PEX1: variants seen among roughly 807,000 people sequenced by gnomAD.
The protein encoded by PEX1 is peroxisomal ATPase PEX1.
A neutral mutation model predicts 152.5 loss-of-function variants in PEX1; 97 were observed. That is an observed-to-expected ratio of 0.64 (90% CI 0.54 to 0.75). PEX1 has a LOEUF of 0.75. PEX1 is among the 30% of genes least tolerant of loss of function. The pLI is 0.00. For missense variants in PEX1, 1,357 were observed against 1,516.3 expected (o/e 0.89, Z 1.74); for synonymous variants, 485 against 531.6 (o/e 0.91, Z 1.21).
chr7:92,493,014 GCTTT>G lies in PEX1; in HGVS notation c.3142_3145del (p.Lys1048LeufsTer31). ...CTCCAATTGGGCATTGTAAAGTAAA[GCTTT>G]CAGATCAGCTCCAGTAAAGGAGTCA... On this transcript the variant is annotated frameshift_variant, in exon 20 of 24. Coordinates refer to ENST00000248633, the MANE Select transcript of PEX1 (RefSeq NM_000466.3). LOFTEE classifies it high-confidence loss of function. The G allele has an allele frequency of 6.2e-7, 1 of 1,613,698 alleles. No individual in the cohort carries two copies.
rs1321349607 is a variant in PEX1, at chr7:92,494,306, G to A, written c.3017C>T (p.Pro1006Leu). 1.2e-6 allele frequency: 2 copies of A among 1,612,632 alleles called. No individual in the cohort carries two copies. Among genetic ancestry groups the A allele is most frequent in the Non-Finnish European group, 1.7e-6 (2 of 1,178,918 alleles). Reference protein sequence around the residue: ...PGRLDKCVYCPPPDQVSRLEI... With the variant: ...PGRLDKCVYCLPPDQVSRLEI... ...TGAAATTGTCACCTGATCAGGAGGA[G>A]GACAGTATACACATTTATCTAGTCG... The change falls in exon 19 of 24, where the codon CCT (proline) becomes CTT (leucine). Residue 1006 changes from proline to leucine, a missense_variant. Physicochemically the swap from Pro to Leu is moderately conservative, Grantham distance 98 (BLOSUM62 -3). Coordinates refer to ENST00000248633, the MANE Select transcript of PEX1 (RefSeq NM_000466.3).
At chr7:92,494,453 T>TA in intron 18 of PEX1, 34 bp downstream of exon 18, 1 of 1,612,196 alleles carries the variant, frequency 6.2e-7, no homozygotes, top group Non-Finnish European at 8.5e-7. Context: ...GACATTTTGT[T>TA]ATAACATTCT....
In PEX1 at chr7:92,513,869, C is replaced by T. The variant is rs543863652; in HGVS notation, c.1338G>A (p.Lys446=). The change falls in exon 6 of 24, where the codon AAG becomes AAA. Residue 446 remains lysine (K), a synonymous_variant. Coordinates refer to ENST00000248633, the MANE Select transcript of PEX1 (RefSeq NM_000466.3). ...EVTPKIPRSL[K]LQPRENLPKD... ...TCACTAAATTCTCTCTAGGTTGTAA[C>T]TTTAGAGATCTTGGAATTTTAGGGG... 2 of 1,600,590 alleles carry T rather than the reference C, an allele frequency of 1.2e-6. No individual in the cohort carries two copies. The highest frequency in any genetic ancestry group is 2.2e-5 in the South Asian group (2 of 90,680).
chr7:92,522,506 GCAGT>G (rs1324412476), intron 1 of PEX1, among the ~76,000 whole-genome samples: 5 of 152,286 alleles, frequency 3.3e-5, no homozygotes, highest in East Asian at 3.9e-4. Flanking sequence ...CAAAATGGCA[GCAGT>G]CAGTCAATAA....
intron 23 of PEX1, among the ~76,000 whole-genome samples, chr7:92,488,038 C>G (rs955847019): frequency 2.6e-5 from 4 of 152,158 alleles, no homozygotes; most frequent in African/African-American, 9.7e-5. Flanking sequence ...CAAGAATGTT[C>G]ATTACCACAT....
Position 92,508,373 on chromosome 7 carries a change from C to G in PEX1, c.1670+956G>C, listed in dbSNP as rs1321299814. On this transcript the variant is annotated intron_variant, in intron 9 of 23. Transcript: ENST00000248633. ...CCAACATGGTGAAACCCCATCTCTA[C>G]TAAAAATACAAAAAATTAGGCAGGT... Among the ~76,000 whole-genome samples, 5 of 151,964 alleles carry G rather than the reference C, an allele frequency of 3.3e-5. No individual in the cohort carries two copies. In the East Asian group the frequency reaches 7.7e-4, roughly 23 times the overall value.
At chr7:92,492,836 T>G (rs976589888) in intron 20 of PEX1, 117 bp downstream of exon 20, 2 of 809,296 alleles carry the variant, frequency 2.5e-6, no homozygotes, top group Non-Finnish European at 4.4e-6. Flanking sequence ...AAATTTATGT[T>G]TCTATACAGT....
At chr7:92,506,205 C>G in intron 11 of PEX1, 43 bp downstream of exon 11, 1 of 1,029,264 alleles carries the variant, frequency 9.7e-7, no homozygotes, top group Admixed American at 1.7e-5. Context: ...TCCTGTCTTT[C>G]TAATGAAAAA....
chr7:92,504,942 A>T, intron 11 of PEX1, 40 bp from the exon 12 acceptor site: 1 of 1,476,346 alleles, frequency 6.8e-7, no homozygotes, highest in South Asian at 1.1e-5. Context: ...GTATCATTTC[A>T]GTGCTGGGAA....
chr7:92,523,152 G>A (rs923871756), intron 1 of PEX1, among the ~76,000 whole-genome samples: 14 of 152,124 alleles, frequency 9.2e-5, no homozygotes, highest in African/African-American at 3.4e-4. Context: ...AACTTGGAAG[G>A]AAACAAATGA....
chr7:92,499,460 G>C (rs769412997), intron 16 of PEX1, among the ~76,000 whole-genome samples: 1 of 152,146 alleles, frequency 6.6e-6, no homozygotes, highest in Non-Finnish European at 1.5e-5. Flanking sequence ...GTCACATATT[G>C]CATGATTTGT....
rs780241080 is a variant in PEX1 at position 92,528,481 on chromosome 7, G to A, written c.-46C>T. On this transcript the variant is annotated 5_prime_UTR_variant, in exon 1 of 24. Transcript: ENST00000248633. ...GGTTCGCCCACCCTAGCGCCGCAAA[G>A]GACCCGGGACCCGGCAGGCCGAGGA... 8 of 1,518,176 alleles carry A rather than the reference G, an allele frequency of 5.3e-6. No individual in the cohort carries two copies. Among genetic ancestry groups the A allele is most frequent in the African/African-American group, 4.1e-5 (3 of 72,396 alleles). The allele number at this position is 1,518,176 out of a possible 1,614,324, so 94.0% of individuals were successfully genotyped here. A position where few individuals can be genotyped will look rare whatever the true frequency, so the allele number is the denominator to read the frequency against.
rs939163366 is a variant in PEX1, at chr7:92,491,126, T to C, written c.3438+146A>G. The C allele has an allele frequency of 6.2e-6, 4 of 640,366 alleles. No homozygotes were observed. The Admixed American group carries it at 7.4e-5, about 12-fold the overall frequency. The allele number at this position is 640,366 out of a possible 1,614,324, so 39.7% of individuals were successfully genotyped here. The stretch of plus-strand genomic sequence containing the variant: ...ACAAGGAATGCAAATTACCAATTAG[T>C]GTAAGCAAGAAACAAGACTATTTTA... On this transcript the variant is annotated intron_variant, in intron 21 of 23. Coordinates refer to ENST00000248633, the MANE Select transcript of PEX1 (RefSeq NM_000466.3).
Position 92,493,093 on chromosome 7 carries a change from A to T in PEX1, c.3067T>A (p.Ser1023Thr). The T allele has an allele frequency of 6.2e-7, 1 of 1,612,210 alleles. No individual in the cohort carries two copies. The highest frequency in any genetic ancestry group is 8.5e-7 in the Non-Finnish European group (1 of 1,178,372). Residue 1023 changes from serine (S) to threonine (T), a missense_variant, in exon 20 of 24, where the codon TCT becomes ACT. Transcript: ENST00000248633. ...TCAACATCATCTGCCAGAGGTAGAG[A>T]GTCACTGAGGACATTTAAAATTTCA... is the stretch of plus-strand genomic sequence containing the variant. Reference protein sequence around the residue: ...RLEILNVLSDSLPLADDVDLQ... With the variant: ...RLEILNVLSDTLPLADDVDLQ...
At chr7:92,503,946 C>G (rs1460696829) in intron 12 of PEX1, among the ~76,000 whole-genome samples, 2 of 152,142 alleles carry the variant, frequency 1.3e-5, no homozygotes, top group Non-Finnish European at 2.9e-5. Context: ...TCCTTGCACT[C>G]TAAGCTCCAG....
rs1425474793 is a variant in PEX1 at position 92,494,368 on chromosome 7, G to A, written c.2955C>T (p.Arg985=). 6.2e-7 allele frequency: 1 copy of A among 1,613,950 alleles called. No homozygotes were observed. The highest frequency in any genetic ancestry group is 2.2e-5 in the East Asian group (1 of 44,872). ...GCAGGGCAGGGTCAATCAAGTCAGG[G>A]CGACTAGTAGCAGCCAATACATAAA... ...QGVYVLAATS[R]PDLIDPALLR... The change falls in exon 19 of 24, where the codon CGC becomes CGT. Residue 985 remains arginine, a synonymous_variant. Transcript: ENST00000248633.
At chr7:92,494,443 G>C in intron 18 of PEX1, 44 bp downstream of exon 18, 1 of 1,610,738 alleles carries the variant, frequency 6.2e-7, no homozygotes, top group African/African-American at 1.3e-5. Flanking sequence ...ATGACATGAT[G>C]ACATTTTGTT....
chr7:92,507,244 TC>T, intron 9 of PEX1, 118 bp from the exon 10 acceptor site: 1 of 885,882 alleles, frequency 1.1e-6, no homozygotes, highest in South Asian at 1.7e-5. Context: ...TAATTTTTTA[TC>T]TTTTTTTTTT....
rs748153500 is a variant in PEX1 at position 92,517,575 on chromosome 7, C to T, written c.940G>A (p.Val314Ile). Residue 314 changes from valine (V) to isoleucine (I), a missense_variant, in exon 5 of 24, where the codon GTA (valine) becomes ATA (isoleucine). Val to Ile is a conservative substitution (Grantham distance 29). Coordinates refer to ENST00000248633, the MANE Select transcript of PEX1 (RefSeq NM_000466.3). ...AAATATTCCTGGTCCCATGGAAATA[C>T]ATGAATGGCACAGTGTTTATGAAAA... is the stretch of plus-strand genomic sequence containing the variant. The part of the protein sequence containing the change: ...SVFHKHCAIH[V>I]FPWDQEYFDV... 2 of 1,614,034 alleles carry T rather than the reference C, an allele frequency of 1.2e-6. No homozygotes were observed. The highest frequency in any genetic ancestry group is 1.3e-5 in the African/African-American group (1 of 75,016).
Sources: gnomAD v4.1 joint callset for allele counts (sites outside exome capture counted in the v4.1 genomes callset) on GRCh38, gnomAD v4.1.1 for gene constraint, MANE v1.5 for transcripts, NCBI Gene and HGNC (gene_info 2026-07-23, HGNC 2026-07-21) for gene names.